Variants in PCSK2 observed in about 807,000 individuals in gnomAD.
PCSK2 encodes the protein neuroendocrine convertase 2.
PCSK2 carries 14 observed loss-of-function variants against 69.7 expected under a neutral mutation model. That is an observed-to-expected ratio of 0.20 (90% confidence interval 0.13 to 0.31). The LOEUF (loss-of-function observed/expected upper bound fraction) is 0.31, where lower values mean the gene tolerates loss of function less well. Among genes scored for constraint, PCSK2 ranks in the 10% least tolerant of loss-of-function variants. PCSK2 has a pLI of 1.00. For synonymous variants in PCSK2, 307 were observed against 320.7 expected (o/e 0.96, Z 0.46); for missense variants, 544 against 842.5 (o/e 0.65, Z 4.39).
chr20:17,243,842 A>T (rs563324268), intron 1 of PCSK2, among the ~76,000 whole-genome samples: 162 of 151,868 alleles, frequency 1.1e-3, no homozygotes, highest in African/African-American at 3.7e-3. Flanking sequence ...TACTCTTCAA[A>T]AGTATTAACG....
At chr20:17,372,767 A>T (rs1055209508) in intron 5 of PCSK2, among the ~76,000 whole-genome samples, 1 of 152,176 alleles carries the variant, frequency 6.6e-6, no homozygotes, top group Non-Finnish European at 1.5e-5. Context: ...CTCGTGCTTG[A>T]TTCCTCAGCA....
chr20:17,364,853 A>G (rs1374163587), intron 4 of PCSK2, among the ~76,000 whole-genome samples: 4 of 152,170 alleles, frequency 2.6e-5, no homozygotes, highest in African/African-American at 9.7e-5. Flanking sequence ...TGGGCTGCAC[A>G]TCCATGATGG....
At chr20:17,395,255 T>C (rs572211185) in intron 5 of PCSK2, among the ~76,000 whole-genome samples, 1 of 152,084 alleles carries the variant, frequency 6.6e-6, no homozygotes, top group Non-Finnish European at 1.5e-5. Flanking sequence ...ATTTCGGGGG[T>C]TGGTTTATTA....
intron 8 of PCSK2, among the ~76,000 whole-genome samples, chr20:17,452,553 G>A (rs763724910): frequency 1.9e-4 from 29 of 152,200 alleles, no homozygotes; most frequent in Admixed American, 2.6e-4. Context: ...AGTTTCAAGC[G>A]TAAGGACCAT....
chr20:17,394,722 G>T (rs1212963181), intron 5 of PCSK2, among the ~76,000 whole-genome samples: 1 of 152,186 alleles, frequency 6.6e-6, no homozygotes, highest in Non-Finnish European at 1.5e-5. Context: ...TGTGCACAAA[G>T]GGATTGTGTG....
intron 2 of PCSK2, among the ~76,000 whole-genome samples, chr20:17,339,751 A>G (rs1990455487): frequency 6.6e-6 from 1 of 152,164 alleles, no homozygotes; most frequent in Non-Finnish European, 1.5e-5. Context: ...GCTGGTACAC[A>G]CTGATAAATC....
chr20:17,383,891 C>G (rs866537555), intron 5 of PCSK2, among the ~76,000 whole-genome samples: 1 of 152,122 alleles, frequency 6.6e-6, no homozygotes, highest in African/African-American at 2.4e-5. Context: ...TAATTATAAT[C>G]GTGGATTCTA....
intron 2 of PCSK2, among the ~76,000 whole-genome samples, chr20:17,297,158 G>A (rs866009427): frequency 7.2e-5 from 11 of 152,332 alleles, no homozygotes; most frequent in Middle Eastern, 3.4e-3. Flanking sequence ...AGTCAAAAAA[G>A]GAGCTGTTTA....
At chr20:17,330,396 A>T (rs1990178231) in intron 2 of PCSK2, among the ~76,000 whole-genome samples, 1 of 152,106 alleles carries the variant, frequency 6.6e-6, no homozygotes, top group Admixed American at 6.6e-5. Context: ...GTTCGAGACC[A>T]GCCTGACCAA....
At chr20:17,233,116 T>A (rs1351137363) in intron 1 of PCSK2, among the ~76,000 whole-genome samples, 1 of 152,046 alleles carries the variant, frequency 6.6e-6, no homozygotes, top group Non-Finnish European at 1.5e-5. Flanking sequence ...CCAATACACC[T>A]CTTGTGGCTG....
At chr20:17,306,067 G>A (rs1989316394) in intron 2 of PCSK2, among the ~76,000 whole-genome samples, 1 of 152,132 alleles carries the variant, frequency 6.6e-6, no homozygotes, top group African/African-American at 2.4e-5. Flanking sequence ...TATTTATTAG[G>A]ATGAACCATT....
chr20:17,234,363 G>A (rs1194575531), intron 1 of PCSK2, among the ~76,000 whole-genome samples: 1 of 152,176 alleles, frequency 6.6e-6, no homozygotes, highest in Non-Finnish European at 1.5e-5. Context: ...CCTTGACTAT[G>A]ACTACAGTTG....
At position 17,378,206 on chromosome 20, in the gene PCSK2, A is replaced by G. The variant is rs1446292440; in HGVS notation, c.543+8929A>G. On this transcript the variant is annotated intron_variant, in intron 5 of 11. Coordinates refer to ENST00000262545, the MANE Select transcript of PCSK2 (RefSeq NM_002594.5). ...GCAAGTCAGCCCTAAAAAATTAGAG[A>G]AAGAAAGATACTTAAATGCATTTAA... Among the ~76,000 whole-genome samples, 4 of 152,206 alleles carry G rather than the reference A, an allele frequency of 2.6e-5. No homozygotes were observed. In the East Asian group the frequency reaches 5.8e-4, roughly 22 times the overall value.
chr20:17,347,956 G>GAGAAAGAAAGAAAGAGGAGAGAGAAA (rs1990724298), intron 2 of PCSK2, among the ~76,000 whole-genome samples: 1 of 77,168 alleles, frequency 1.3e-5, no homozygotes, highest in African/African-American at 4.7e-5. Flanking sequence ...AAGAAAGAAA[G>GAGAAAGAAAGAAAGAGGAGAGAGAAA]AAAGAGAAAG....
intron 2 of PCSK2, among the ~76,000 whole-genome samples, chr20:17,299,963 A>G (rs913944717): frequency 1.3e-5 from 2 of 152,338 alleles, no homozygotes; most frequent in East Asian, 1.9e-4. Flanking sequence ...CTTAGAGTCT[A>G]GGGATGTCTC....
rs1555799068 is a variant in PCSK2, at chr20:17,481,413, AAG to A, written c.1431-167_1431-166del. Among the ~76,000 whole-genome samples the A allele has an allele frequency of 4.3e-5, 5 of 115,820 alleles. 1 individual carries two copies. 76.0% of individuals were successfully genotyped at this position (115,820 alleles called of 152,430 possible). ...CAAAAAAAAAAAAAAAAAAAAAAAA[AAG>A]AGATAAGTAACTTACTCAGGCTCAC... On this transcript the variant is annotated intron_variant, in intron 11 of 11. Transcript: ENST00000262545.
chr20:17,392,569 C>CA (rs1291415945), intron 5 of PCSK2, among the ~76,000 whole-genome samples: 3 of 152,152 alleles, frequency 2.0e-5, no homozygotes, highest in African/African-American at 7.2e-5. Flanking sequence ...CCCCATCACC[C>CA]AAAAAACTTT....
At chr20:17,454,756 C>T (rs1266342516) in intron 9 of PCSK2, among the ~76,000 whole-genome samples, 1 of 152,158 alleles carries the variant, frequency 6.6e-6, no homozygotes, top group East Asian at 1.9e-4. Flanking sequence ...TGACTGGCTG[C>T]ACCCATCTCC....
chr20:17,252,932 G>T (rs1987042270), intron 1 of PCSK2, among the ~76,000 whole-genome samples: 1 of 152,116 alleles, frequency 6.6e-6, no homozygotes, highest in South Asian at 2.1e-4. Context: ...CTATAAATTG[G>T]CTGCAGTTAA....
Sources: gnomAD v4.1 joint callset for allele counts (sites outside exome capture counted in the v4.1 genomes callset) on GRCh38, gnomAD v4.1.1 for gene constraint, MANE v1.5 for transcripts, NCBI Gene and HGNC (gene_info 2026-07-23, HGNC 2026-07-21) for gene names.